PLCB1: variants seen among roughly 807,000 people sequenced by gnomAD.
PLCB1 encodes the protein phospholipase C beta 1.
PLCB1 carries 46 observed loss-of-function variants against 161.8 expected under a neutral mutation model. The observed-to-expected ratio is 0.28, with a 90% CI of 0.22 to 0.36. The LOEUF is 0.36. PLCB1 is among the 10% of genes least tolerant of loss of function. PLCB1 has a pLI of 1.00. For missense variants in PLCB1, 1,016 were observed against 1,472.5 expected, an observed-to-expected ratio of 0.69 and a Z score of 5.07; for synonymous variants, 517 against 503.7, an observed-to-expected ratio of 1.03 and a Z score of -0.35.
At chr20:8,225,633 C>T (rs1044196120) in intron 2 of PLCB1, among the ~76,000 whole-genome samples, 19 of 152,128 alleles carry the variant, frequency 1.2e-4, no homozygotes, top group Admixed American at 3.9e-4. Context: ...GCTATTTTTG[C>T]TCTCTTGATT....
At chr20:8,574,846 G>A (rs1186347925) in intron 3 of PLCB1, among the ~76,000 whole-genome samples, 4 of 146,370 alleles carry the variant, frequency 2.7e-5, no homozygotes, top group Non-Finnish European at 5.9e-5. Flanking sequence ...AGCAGGCTCT[G>A]GCCATGGAAA....
intron 2 of PLCB1, among the ~76,000 whole-genome samples, chr20:8,258,758 T>C (rs1981547349): frequency 6.6e-6 from 1 of 152,212 alleles, no homozygotes; most frequent in South Asian, 2.1e-4. Context: ...TATTTTTGGC[T>C]TAATATGCAC....
rs557669530 is a variant in PLCB1 at position 8,180,495 on chromosome 20, C to T, written c.177+30124C>T. 6.1e-4 allele frequency among the ~76,000 whole-genome samples: 93 copies of T among 152,204 alleles called. 2 individuals carry two copies. The highest frequency in any genetic ancestry group is 4.0e-4 in the Non-Finnish European group (27 of 68,016). On this transcript the variant is annotated intron_variant, in intron 2 of 31. Transcript: ENST00000338037. ...AATGAGTTAGGCAGAAGACCCTCCT[C>T]CTCAGATTTTTAGAATAGTTTTAGT... is the stretch of plus-strand genomic sequence containing the variant.
At chr20:8,739,212 T>A (rs769396996) in intron 20 of PLCB1, 49 bp from the exon 21 acceptor site, 2 of 1,065,478 alleles carry the variant, frequency 1.9e-6, no homozygotes, top group South Asian at 2.5e-5. Context: ...AATTATTTCT[T>A]GGAATTGTTC....
intron 3 of PLCB1, among the ~76,000 whole-genome samples, chr20:8,552,183 A>G (rs766053289): frequency 1.2e-4 from 18 of 152,172 alleles, no homozygotes; most frequent in Non-Finnish European, 2.6e-4. Context: ...ATTAAATGCT[A>G]TGGGCACCAA....
chr20:8,530,046 T>A (rs995653434), intron 3 of PLCB1, among the ~76,000 whole-genome samples: 6 of 152,142 alleles, frequency 3.9e-5, no homozygotes, highest in Non-Finnish European at 8.8e-5. Flanking sequence ...CTTTTCAATC[T>A]GGTGTGTATG....
intron 3 of PLCB1, among the ~76,000 whole-genome samples, chr20:8,569,262 C>CTG (rs1986431902): frequency 6.6e-6 from 1 of 152,192 alleles, no homozygotes; most frequent in Non-Finnish European, 1.5e-5. Context: ...CGGTGAAAAG[C>CTG]TGTCTCTAAA....
At chr20:8,239,935 C>T (rs181812988) in intron 2 of PLCB1, among the ~76,000 whole-genome samples, 43 of 152,086 alleles carry the variant, frequency 2.8e-4, no homozygotes, top group Admixed American at 2.6e-3. Flanking sequence ...CACATTTATG[C>T]TACTTCCTTT....
chr20:8,376,701 G>C (rs1987094759), intron 3 of PLCB1, among the ~76,000 whole-genome samples: 1 of 152,156 alleles, frequency 6.6e-6, no homozygotes. Context: ...GGCTGAGGCG[G>C]GCGGATCACG....
At position 8,271,819 on chromosome 20, in the gene PLCB1, C is replaced by T. The variant is rs558685826; in HGVS notation, c.178-99563C>T. On this transcript the variant is annotated intron_variant, in intron 2 of 31. Coordinates refer to ENST00000338037, the MANE Select transcript of PLCB1 (RefSeq NM_015192.4). ...CTACAATCCAATTACATAACAGGGACAAACTAAGGTAACCCTGGTGTAATG... is the reference window on the plus strand; with the variant it reads ...CTACAATCCAATTACATAACAGGGATAAACTAAGGTAACCCTGGTGTAATG... Among the ~76,000 whole-genome samples, 12 of 152,124 alleles carry T rather than the reference C, an allele frequency of 7.9e-5. No individual in the cohort carries two copies. The South Asian group carries it at 2.5e-3, about 32-fold the overall frequency.
At chr20:8,714,171 C>T (rs1395716912) in intron 12 of PLCB1, among the ~76,000 whole-genome samples, 6 of 152,100 alleles carry the variant, frequency 3.9e-5, no homozygotes, top group Non-Finnish European at 8.8e-5. Flanking sequence ...TGTTATGATG[C>T]AGACTCCTGG....
intron 3 of PLCB1, among the ~76,000 whole-genome samples, chr20:8,551,062 TAATTG>T (rs1428096862): frequency 1.3e-5 from 2 of 152,206 alleles, no homozygotes; most frequent in Admixed American, 6.5e-5. Context: ...TTAACACAAA[TAATTG>T]AATTAAGTAT....
intron 3 of PLCB1, among the ~76,000 whole-genome samples, chr20:8,419,773 G>A (rs1336328388): frequency 6.6e-6 from 1 of 152,138 alleles, no homozygotes; most frequent in Non-Finnish European, 1.5e-5. Context: ...ATTTTACATG[G>A]AGGCAATGGC....
chr20:8,638,541 T>C (rs1156938009), intron 4 of PLCB1, among the ~76,000 whole-genome samples: 2 of 152,046 alleles, frequency 1.3e-5, no homozygotes, highest in Non-Finnish European at 2.9e-5. Context: ...TACACACCCA[T>C]ATATATAAAT....
At chr20:8,709,321 T>C (rs955990662) in intron 12 of PLCB1, among the ~76,000 whole-genome samples, 2 of 152,220 alleles carry the variant, frequency 1.3e-5, no homozygotes, top group East Asian at 3.8e-4. Flanking sequence ...TATTTTGACT[T>C]CACTGTTTTA....
At chr20:8,754,720 C>A (rs903887099) in intron 23 of PLCB1, among the ~76,000 whole-genome samples, 1 of 152,138 alleles carries the variant, frequency 6.6e-6, no homozygotes. Flanking sequence ...AAAGAACCAC[C>A]CACTGTGGGT....
intron 18 of PLCB1, chr20:8,731,974 C>T (rs1255419835): frequency 2.0e-5 from 3 of 151,938 alleles, no homozygotes; most frequent in African/African-American, 4.8e-5. Flanking sequence ...TTATTATGCA[C>T]ATAGAGATGA....
At chr20:8,805,537 G>A (rs543732949) in intron 31 of PLCB1, among the ~76,000 whole-genome samples, 16 of 152,254 alleles carry the variant, frequency 1.1e-4, no homozygotes, top group Middle Eastern at 3.4e-3. Context: ...CCGTAGAAAG[G>A]CATCAAAATA....
Position 8,229,447 on chromosome 20 carries a change from A to T in PLCB1, c.177+79076A>T, listed in dbSNP as rs542706052. On this transcript the variant is annotated intron_variant, in intron 2 of 31. Transcript: ENST00000338037. Reference sequence around the variant, plus strand: ...TCAGGTAGCACTGATATAGATCCACAGTCCAATACTATAGCCAGTACTCAC... The same window carrying T: ...TCAGGTAGCACTGATATAGATCCACTGTCCAATACTATAGCCAGTACTCAC... Among the ~76,000 whole-genome samples, 7 of 152,306 alleles carry T rather than the reference A, an allele frequency of 4.6e-5. No individual in the cohort carries two copies. The South Asian group carries it at 1.5e-3, about 32-fold the overall frequency.
Sources: allele counts gnomAD v4.1 joint callset (sites outside exome capture counted in the v4.1 genomes callset), GRCh38; gene constraint gnomAD v4.1.1; transcripts MANE v1.5; gene names NCBI Gene and HGNC (gene_info 2026-07-23, HGNC 2026-07-21).